FGF13: variants seen among roughly 807,000 people sequenced by gnomAD.
The protein encoded by FGF13 is fibroblast growth factor 13, also known as fibroblast growth factor homologous factor 2.
In FGF13, 2 loss-of-function variants were observed where a neutral mutation model predicts 19.5. The ratio of observed to expected loss-of-function variants is 0.10; its 90% CI spans 0.04 to 0.32. The LOEUF (loss-of-function observed/expected upper bound fraction) is 0.32. Ranked by LOEUF, FGF13 falls within the 10% of genes least tolerant of loss-of-function variation. FGF13 has a pLI of 1.00. For synonymous variants in FGF13, 72 were observed against 76.9 expected (o/e 0.94, Z 0.33); for missense variants, 113 against 192.7 (o/e 0.59, Z 2.45).
At chrX:138,914,755 T>A (rs1025308307) in intron 1 of FGF13, among the ~76,000 whole-genome samples, 1 of 110,512 alleles carries the variant, frequency 9.0e-6, no homozygotes, top group Non-Finnish European at 1.9e-5. Flanking sequence ...TGCTGAGAAT[T>A]CCTTGCAGAG....
At chrX:139,048,674 A>G in intron 1 of FGF13, among the ~76,000 whole-genome samples, 1 of 107,964 alleles carries the variant, frequency 9.3e-6, no homozygotes. Flanking sequence ...TTTTTAAATT[A>G]CTACCTTGTT....
At chrX:139,131,352 A>G (rs1238479412) in intron 1 of FGF13, among the ~76,000 whole-genome samples, 2 of 106,989 alleles carry the variant, frequency 1.9e-5, no homozygotes, top group South Asian at 8.5e-4. Context: ...GTACCCATAT[A>G]TAATTGTTGT....
At chrX:138,951,906 C>T (rs1198314292) in intron 1 of FGF13, among the ~76,000 whole-genome samples, 4 of 110,899 alleles carry the variant, frequency 3.6e-5, no homozygotes, top group Non-Finnish European at 7.6e-5. Context: ...AATGACAAAC[C>T]ACTGCTCAAT....
rs138361768 is a variant in FGF13, at chrX:139,001,255, C to G, written c.-112-136605G>C. ...ACCCTAGAAGAAAACCTAGGCAATA[C>G]CATTCAGGACTTAGGGATGTGCAAA... On this transcript the variant is annotated intron_variant, in intron 1 of 2. Coordinates refer to the FGF13 transcript ENST00000421460. Among the ~76,000 whole-genome samples the G allele has an allele frequency of 9.3e-3, 1,032 of 111,542 alleles. 10 individuals are homozygous for G. The highest frequency in any genetic ancestry group is 0.031 in the African/African-American group (960 of 30,579).
rs1261159928 is a variant in FGF13 at position 138,632,073 on chromosome X, GGAT to G, written c.*774_*776del. The G allele has an allele frequency of 2.7e-5, 3 of 110,652 alleles. No homozygotes were observed. In the Admixed American group the frequency reaches 2.9e-4, roughly 11 times the overall value. 9.1% of individuals were successfully genotyped at this position (110,652 alleles called of 1,213,427 possible). A position where few individuals can be genotyped will look rare whatever the true frequency, so the allele number is the denominator to read the frequency against. On this transcript the variant is annotated 3_prime_UTR_variant, in exon 5 of 5. Transcript: ENST00000315930. ...GGAATTAAGAGAAATCTACACTTGAGGATAATTTTTTGAAGTTCTCTTTACTGA... is the reference window on the plus strand; with the variant it reads ...GGAATTAAGAGAAATCTACACTTGAGAATTTTTTGAAGTTCTCTTTACTGA...
intron 3 of FGF13, among the ~76,000 whole-genome samples, chrX:138,695,624 A>G (rs2089888433): frequency 8.9e-6 from 1 of 111,835 alleles, no homozygotes; most frequent in South Asian, 3.8e-4. Flanking sequence ...AAATGGAGCA[A>G]AATGAATCGG....
At chrX:138,874,971 G>A (rs1013363401) in intron 1 of FGF13, among the ~76,000 whole-genome samples, 40 of 111,332 alleles carry the variant, frequency 3.6e-4, no homozygotes, top group African/African-American at 1.2e-3. Context: ...ACTGGGCGAG[G>A]TGGCTCATGC....
intron 3 of FGF13, among the ~76,000 whole-genome samples, chrX:138,677,725 T>C (rs2089686239): frequency 8.9e-6 from 1 of 112,271 alleles, no homozygotes; most frequent in Non-Finnish European, 1.9e-5. Flanking sequence ...TTTTACACTA[T>C]TGGTGGGACT....
intron 1 of FGF13, among the ~76,000 whole-genome samples, chrX:139,073,189 T>C (rs1430818623): frequency 9.7e-6 from 1 of 103,210 alleles, no homozygotes; most frequent in African/African-American, 3.5e-5. Context: ...ATGGGGTTTG[T>C]AATTTGAGTT....
At chrX:138,652,097 C>CT (rs1205834426) in intron 3 of FGF13, among the ~76,000 whole-genome samples, 6 of 111,524 alleles carry the variant, frequency 5.4e-5, no homozygotes, top group African/African-American at 2.0e-4. Context: ...CATTTGTCCT[C>CT]TTTTTTCATT....
At chrX:138,976,539 A>T (rs1241140590) in intron 1 of FGF13, among the ~76,000 whole-genome samples, 2 of 110,886 alleles carry the variant, frequency 1.8e-5, no homozygotes, top group Non-Finnish European at 3.8e-5. Flanking sequence ...AGCTATAAAG[A>T]CTCAGAAGGG....
At chrX:138,703,803 C>T (rs2089969764) in intron 2 of FGF13, among the ~76,000 whole-genome samples, 1 of 112,323 alleles carries the variant, frequency 8.9e-6, no homozygotes, top group African/African-American at 3.2e-5. Context: ...CAACCTCCAC[C>T]TCCTGGGTTC....
chrX:139,127,058 A>G (rs954155813), intron 1 of FGF13, among the ~76,000 whole-genome samples: 3 of 111,310 alleles, frequency 2.7e-5, no homozygotes, highest in Non-Finnish European at 5.7e-5. Context: ...CTTAGGTATT[A>G]ATCTTAGTAC....
chrX:138,997,057 C>T (rs1337040912), intron 1 of FGF13, among the ~76,000 whole-genome samples: 1 of 112,188 alleles, frequency 8.9e-6, no homozygotes, highest in Non-Finnish European at 1.9e-5. Context: ...AGTGGACCTC[C>T]AGCAAACTGC....
At chrX:138,982,238 A>C (rs2091966717) in intron 1 of FGF13, among the ~76,000 whole-genome samples, 1 of 111,522 alleles carries the variant, frequency 9.0e-6, no homozygotes, top group African/African-American at 3.3e-5. Context: ...GATTTTGTTA[A>C]GGGACGTAGT....
upstream of FGF13, among the ~76,000 whole-genome samples, chrX:138,740,820 A>G (rs1377096986): frequency 1.8e-5 from 2 of 112,307 alleles, no homozygotes; most frequent in African/African-American, 6.5e-5. Context: ...TGAAACTAAC[A>G]ATTTTTTGAA....
intron 1 of FGF13, among the ~76,000 whole-genome samples, chrX:138,908,814 T>C (rs2091572738): frequency 1.8e-5 from 2 of 111,746 alleles, no homozygotes; most frequent in Non-Finnish European, 3.8e-5. Flanking sequence ...GATGTTGAAA[T>C]GTCTTTGTTG....
chrX:138,758,001 C>T (rs774516172), intron 3 of FGF13, among the ~76,000 whole-genome samples: 21 of 112,094 alleles, frequency 1.9e-4, no homozygotes, highest in Non-Finnish European at 2.8e-4. Context: ...CTGTTAGTCA[C>T]TGTGCTGAAC....
At chrX:138,701,779 C>A (rs1335932482) in intron 3 of FGF13, among the ~76,000 whole-genome samples, 7 of 111,944 alleles carry the variant, frequency 6.3e-5, no homozygotes, top group Non-Finnish European at 1.3e-4. Flanking sequence ...TCTTCCTGCA[C>A]ACCTGGCTTT....
Sources: gnomAD v4.1 joint callset for allele counts (sites outside exome capture counted in the v4.1 genomes callset) on GRCh38, gnomAD v4.1.1 for gene constraint, MANE v1.5 for transcripts, NCBI Gene and HGNC (gene_info 2026-07-23, HGNC 2026-07-21) for gene names.